Variants in KCNIP1 observed in about 807,000 individuals in gnomAD.
The protein encoded by KCNIP1 is potassium voltage-gated channel interacting protein 1, also known as A-type potassium channel modulatory protein KCNIP1.
In KCNIP1, 18 loss-of-function variants were observed where a neutral mutation model predicts 33.0. That is an observed-to-expected ratio of 0.55 (90% CI 0.38 to 0.81). The LOEUF (loss-of-function observed/expected upper bound fraction) is 0.81. KCNIP1 is among the 30% of genes least tolerant of loss of function. The probability of loss-of-function intolerance (pLI) is 0.00; values close to 1 mark genes in which losing one functional copy is unlikely to be tolerated. For missense variants in KCNIP1, 238 were observed against 271.6 expected (o/e 0.88, Z 0.87); for synonymous variants, 93 against 98.3 (o/e 0.95, Z 0.32).
intron 1 of KCNIP1, chr5:170,383,771 G>T (rs144383468): frequency 5.1e-5 from 83 of 1,613,968 alleles, no homozygotes; most frequent in Non-Finnish European, 6.4e-5. Context: ...GGGTACTGGG[G>T]CACCTTCTTG....
intron 1 of KCNIP1, among the ~76,000 whole-genome samples, chr5:170,688,643 C>G (rs944952604): frequency 2.0e-5 from 3 of 152,170 alleles, no homozygotes; most frequent in African/African-American, 7.2e-5. Context: ...CATGTCACCC[C>G]TCCAGATAAC....
chr5:170,733,498 C>A (rs936279879), intron 6 of KCNIP1, among the ~76,000 whole-genome samples: 1 of 152,164 alleles, frequency 6.6e-6, no homozygotes, highest in African/African-American at 2.4e-5. Flanking sequence ...AAGTAACAGG[C>A]CAGAATCAGA....
rs150763514 is a variant in KCNIP1 at position 170,587,219 on chromosome 5, C to T, written c.61+82586C>T. Among the ~76,000 whole-genome samples the T allele has an allele frequency of 1.2e-4, 18 of 152,106 alleles. No individual in the cohort carries two copies. The East Asian group carries it at 3.5e-3, about 29-fold the overall frequency. Reference sequence around the variant, plus strand: ...GGCAGATCACCTGAGGTCAGGAGTTCAAGACTAGCCTGGCCAACATGGTGA... The same window carrying T: ...GGCAGATCACCTGAGGTCAGGAGTTTAAGACTAGCCTGGCCAACATGGTGA... On this transcript the variant is annotated intron_variant, in intron 1 of 7. Coordinates refer to ENST00000328939, the MANE Select transcript of KCNIP1 (RefSeq NM_014592.4).
chr5:170,570,746 A>C (rs1757379003), intron 1 of KCNIP1, among the ~76,000 whole-genome samples: 1 of 152,252 alleles, frequency 6.6e-6, no homozygotes, highest in Admixed American at 6.5e-5. Context: ...GGCTCCTCCC[A>C]GGTGGGGACA....
intron 5 of KCNIP1, 25 bp from the exon 6 acceptor site, chr5:170,732,775 G>A (rs1764249351): frequency 2.0e-6 from 3 of 1,495,392 alleles, no homozygotes; most frequent in Non-Finnish European, 2.8e-6. Flanking sequence ...TTTCCACACT[G>A]TGTGCTTTTA....
chr5:170,721,763 C>T (rs1441907655), intron 3 of KCNIP1, 70 bp from the exon 4 acceptor site: 18 of 1,614,042 alleles, frequency 1.1e-5, no homozygotes, highest in Non-Finnish European at 1.4e-5. Flanking sequence ...CGAAGCCCTG[C>T]CTTGTTTGGA....
intron 1 of KCNIP1, among the ~76,000 whole-genome samples, chr5:170,543,087 T>G (rs1756272971): frequency 6.6e-6 from 1 of 152,148 alleles, no homozygotes; most frequent in African/African-American, 2.4e-5. Context: ...AGGGTACTGA[T>G]CCCATTCATG....
intron 5 of KCNIP1, among the ~76,000 whole-genome samples, chr5:170,727,578 A>C (rs1764055073): frequency 1.3e-5 from 2 of 152,242 alleles, no homozygotes; most frequent in Non-Finnish European, 1.5e-5. Context: ...TAAAGCAGGT[A>C]AGAGAAAATA....
intron 1 of KCNIP1, among the ~76,000 whole-genome samples, chr5:170,587,421 C>CAAAAAAAAAAAAAAAAAAA (rs56358014): frequency 4.6e-4 from 32 of 70,328 alleles, no homozygotes; most frequent in Non-Finnish European, 6.0e-4. Flanking sequence ...GACTCTGTCT[C>CAAAAAAAAAAAAAAAAAAA]AAAAAAAAAA....
intron 1 of KCNIP1, among the ~76,000 whole-genome samples, chr5:170,477,223 C>T (rs918378073): frequency 6.6e-6 from 1 of 151,570 alleles, no homozygotes; most frequent in African/African-American, 2.4e-5. Flanking sequence ...TGTAAATTCA[C>T]TCTGGGGAGA....
At chr5:170,652,175 T>C (rs371823941) in intron 1 of KCNIP1, among the ~76,000 whole-genome samples, 1 of 152,064 alleles carries the variant, frequency 6.6e-6, no homozygotes, top group East Asian at 1.9e-4. Flanking sequence ...AAGGAGCTTC[T>C]AATGGCCAAG....
chr5:170,402,580 G>C (rs1030738935), intron 1 of KCNIP1, among the ~76,000 whole-genome samples: 1 of 152,212 alleles, frequency 6.6e-6, no homozygotes, highest in African/African-American at 2.4e-5. Context: ...AGGAGAGGCA[G>C]AGAGAGCATG....
chr5:170,671,546 C>G (rs1475751795), intron 1 of KCNIP1, among the ~76,000 whole-genome samples: 1 of 152,144 alleles, frequency 6.6e-6, no homozygotes, highest in African/African-American at 2.4e-5. Flanking sequence ...GCTGTCATGG[C>G]CCTGAGTATT....
intron 1 of KCNIP1, among the ~76,000 whole-genome samples, chr5:170,654,283 A>G (rs547684105): frequency 7.2e-5 from 11 of 152,306 alleles, no homozygotes; most frequent in South Asian, 6.2e-4. Flanking sequence ...CTGAGCACCT[A>G]TTCTGTGCCA....
chr5:170,476,486 G>T (rs759807640), intron 1 of KCNIP1, among the ~76,000 whole-genome samples: 28 of 152,138 alleles, frequency 1.8e-4, no homozygotes, highest in Non-Finnish European at 3.5e-4. Flanking sequence ...CTTCTTCATG[G>T]CTAATTAGTT....
At chr5:170,461,161 T>C (rs575236171) in intron 1 of KCNIP1, among the ~76,000 whole-genome samples, 1 of 152,162 alleles carries the variant, frequency 6.6e-6, no homozygotes, top group Non-Finnish European at 1.5e-5. Context: ...AAATCATAGA[T>C]GACACAGACA....
At chr5:170,503,518 AC>A (rs1458266070), upstream of KCNIP1, among the ~76,000 whole-genome samples, 1 of 151,602 alleles carries the variant, frequency 6.6e-6, no homozygotes, top group Non-Finnish European at 1.5e-5. Flanking sequence ...ATTCTGCAGA[AC>A]CCTCAAGGAC....
At chr5:170,707,361 C>T (rs912757733) in intron 1 of KCNIP1, among the ~76,000 whole-genome samples, 1 of 152,126 alleles carries the variant, frequency 6.6e-6, no homozygotes, top group African/African-American at 2.4e-5. Context: ...ATGTACATGG[C>T]CTTGCTCCTT....
chr5:170,703,584 G>C (rs1561774135), intron 1 of KCNIP1, among the ~76,000 whole-genome samples: 1 of 133,354 alleles, frequency 7.5e-6, no homozygotes, highest in Non-Finnish European at 1.5e-5. Context: ...GCTAGTCTGG[G>C]CAACACAGTG....
Sources: allele counts gnomAD v4.1 joint callset (sites outside exome capture counted in the v4.1 genomes callset), GRCh38; gene constraint gnomAD v4.1.1; transcripts MANE v1.5; gene names NCBI Gene and HGNC (gene_info 2026-07-23, HGNC 2026-07-21).